Variants in TBC1D31 observed in about 807,000 individuals in gnomAD.
TBC1D31 encodes the protein TBC1 domain family member 31, also known as WD repeat domain 67.
TBC1D31 carries 99 observed loss-of-function variants against 132.9 expected under a neutral mutation model. The ratio of observed to expected loss-of-function variants is 0.74; its 90% CI spans 0.63 to 0.88. The LOEUF (loss-of-function observed/expected upper bound fraction) is 0.88, where lower values mean the gene tolerates loss of function less well. Ranked by LOEUF, TBC1D31 falls within the 40% of genes least tolerant of loss-of-function variation. The probability of loss-of-function intolerance (pLI) is 0.00; values close to 1 mark genes in which losing one functional copy is unlikely to be tolerated. For missense variants in TBC1D31, 1,134 were observed against 1,256.6 expected, an observed-to-expected ratio of 0.90 and a Z score of 1.48; for synonymous variants, 385 against 419.4, an observed-to-expected ratio of 0.92 and a Z score of 1.00.
At chr8:123,092,866 C>T (rs1194904591) in intron 4 of TBC1D31, among the ~76,000 whole-genome samples, 5 of 145,564 alleles carry the variant, frequency 3.4e-5, no homozygotes, top group South Asian at 2.1e-4. Context: ...GGCTAAAGTG[C>T]GGTGGCGGGG....
the TBC1D31 span, among the ~76,000 whole-genome samples, chr8:123,157,269 G>A: frequency 2.6e-5 from 4 of 152,210 alleles, no homozygotes; most frequent in African/African-American, 4.8e-5. Flanking sequence ...TTCAGATTAT[G>A]AGACTGACGC....
At chr8:123,160,842 C>A in the TBC1D31 span, among the ~76,000 whole-genome samples, 1 of 152,126 alleles carries the variant, frequency 6.6e-6, no homozygotes, top group Non-Finnish European at 1.5e-5. Flanking sequence ...AGATGTATGT[C>A]CCCAATTTTC....
intron 8 of TBC1D31, among the ~76,000 whole-genome samples, 164 bp from the exon 9 acceptor site, chr8:123,109,153 A>C (rs1256659625): frequency 6.6e-6 from 1 of 152,200 alleles, no homozygotes; most frequent in Non-Finnish European, 1.5e-5. Context: ...ATGCATGCTC[A>C]AGAGAGGGAG....
downstream of TBC1D31, chr8:123,152,196 A>G: frequency 3.3e-6 from 1 of 304,332 alleles, no homozygotes; most frequent in Middle Eastern, 9.4e-4. Flanking sequence ...CATAAACCTC[A>G]GTAACTTTAG....
Position 123,100,984 on chromosome 8 carries a change from G to A in TBC1D31, c.1009G>A (p.Ala337Thr), listed in dbSNP as rs1817347912. The A allele has an allele frequency of 6.2e-7, 1 of 1,613,026 alleles. No individual in the cohort carries two copies. Among genetic ancestry groups the A allele is most frequent in the Non-Finnish European group, 8.5e-7 (1 of 1,179,238 alleles). ...NGSLNIYSVQ[A>T]LTQEINKPPP... ...AAGTCTAAACATATATTCAGTTCAG[G>A]CTTTAACACAAGAAATAAATAAGGT... The change falls in exon 7 of 22, where the codon GCT (alanine) becomes ACT (threonine). Residue 337 changes from alanine to threonine, a missense_variant. Transcript: ENST00000287380.
Position 123,105,314 on chromosome 8 carries a change from T to C in TBC1D31, c.1059T>C (p.Ile353=). 1 of 1,581,632 alleles carries C rather than the reference T, an allele frequency of 6.3e-7. No individual in the cohort carries two copies. The highest frequency in any genetic ancestry group is 2.3e-5 in the East Asian group (1 of 43,576). Residue 353 remains isoleucine (I), a synonymous_variant, in exon 8 of 22, where the codon ATT becomes ATC. Coordinates refer to ENST00000287380, the MANE Select transcript of TBC1D31 (RefSeq NM_145647.4). ...CACCTCCGCCTTTAGTGAAAGTTAT[T>C]GAAGATTTGCCCAAGAATAAACTGA... ...NKPPPPLVKV[I]EDLPKNKLSS... is the part of the protein sequence containing the mutation.
At chr8:123,082,035 C>T (rs556397396) in intron 2 of TBC1D31, among the ~76,000 whole-genome samples, 77 of 152,168 alleles carry the variant, frequency 5.1e-4, no homozygotes, top group Non-Finnish European at 9.6e-4. Flanking sequence ...ATGTAGCCCA[C>T]GTTGTATTTC....
chr8:123,143,146 AG>A (rs1186759802), intron 19 of TBC1D31, among the ~76,000 whole-genome samples: 1 of 152,202 alleles, frequency 6.6e-6, no homozygotes, highest in Admixed American at 6.5e-5. Flanking sequence ...CATTCCAGGC[AG>A]CGGGGAGAAG....
intron 8 of TBC1D31, 61 bp downstream of exon 8, chr8:123,105,525 C>G (rs1586630496): frequency 1.5e-6 from 2 of 1,372,834 alleles, no homozygotes; most frequent in East Asian, 4.8e-5. Flanking sequence ...CTTGTGATTT[C>G]TAAGCCATCA....
At chr8:123,130,155 G>A (rs1820472193) in intron 15 of TBC1D31, 43 bp from the exon 16 acceptor site, 1 of 1,567,298 alleles carries the variant, frequency 6.4e-7, no homozygotes, top group Non-Finnish European at 8.7e-7. Context: ...AATCATATTA[G>A]GAATTGCTGT....
At chr8:123,074,747 G>A (rs1157690618) in intron 1 of TBC1D31, among the ~76,000 whole-genome samples, 1 of 152,236 alleles carries the variant, frequency 6.6e-6, no homozygotes, top group Non-Finnish European at 1.5e-5. Flanking sequence ...CTGACTTGGA[G>A]TCAGATGTAT....
At chr8:123,116,317 AC>A (rs1168294833) in intron 10 of TBC1D31, among the ~76,000 whole-genome samples, 2 of 152,226 alleles carry the variant, frequency 1.3e-5, no homozygotes, top group Non-Finnish European at 2.9e-5. Flanking sequence ...TTTTAAAAAA[AC>A]AAAACCATCA....
At chr8:123,140,723 A>G (rs758030792) in intron 17 of TBC1D31, 38 bp from the exon 18 acceptor site, 3 of 1,541,658 alleles carry the variant, frequency 1.9e-6, no homozygotes, top group East Asian at 2.3e-5. Flanking sequence ...CTAGCGTTAT[A>G]TAAATTAGTG....
At chr8:123,078,926 G>C (rs1257223880) in intron 2 of TBC1D31, among the ~76,000 whole-genome samples, 1 of 152,122 alleles carries the variant, frequency 6.6e-6, no homozygotes, top group Non-Finnish European at 1.5e-5. Flanking sequence ...TTAATCAAAT[G>C]ACTAAAGTTA....
chr8:123,103,805 A>T (rs897141683), intron 7 of TBC1D31: 12 of 152,216 alleles, frequency 7.9e-5, no homozygotes, highest in African/African-American at 2.7e-4. Flanking sequence ...TCTGCTTGTT[A>T]TCTGTTGAGC....
chr8:123,119,226 GC>G (rs1819241956), intron 10 of TBC1D31, among the ~76,000 whole-genome samples: 1 of 152,122 alleles, frequency 6.6e-6, no homozygotes. Context: ...TTTTGTGGGG[GC>G]TAATTTGGCA....
At position 123,084,221 on chromosome 8, in the gene TBC1D31, G is replaced by A. The variant is rs1393786338; in HGVS notation, c.400G>A (p.Val134Met). Residue 134 changes from valine (V) to methionine (M), a missense_variant, in exon 4 of 22, where the codon GTG (valine) becomes ATG (methionine). Transcript: ENST00000287380. Reference sequence around the variant, plus strand: ...TGAATCATCAGTATTTTCGATCTCTGTGCATGCATCAGGGAAATATGCCAT... The same window carrying A: ...TGAATCATCAGTATTTTCGATCTCTATGCATGCATCAGGGAAATATGCCAT... The part of the protein sequence containing the change: ...GHESSVFSIS[V>M]HASGKYAITT... The A allele has an allele frequency of 1.2e-6, 2 of 1,614,188 alleles. No individual in the cohort carries two copies. Among genetic ancestry groups the A allele is most frequent in the South Asian group, 1.1e-5 (1 of 91,088 alleles).
chr8:123,087,093 GT>G (rs1424405342), intron 4 of TBC1D31, among the ~76,000 whole-genome samples: 1 of 152,158 alleles, frequency 6.6e-6, no homozygotes, highest in Non-Finnish European at 1.5e-5. Context: ...GGAATTATAG[GT>G]CTTTCCTCTT....
At chr8:123,082,600 A>T in intron 2 of TBC1D31, 102 bp from the exon 3 acceptor site, 1 of 791,920 alleles carries the variant, frequency 1.3e-6, no homozygotes. Context: ...ATGGTAGCTC[A>T]TTTTTCTGGG....
Sources: gnomAD v4.1 joint callset for allele counts (sites outside exome capture counted in the v4.1 genomes callset) on GRCh38, gnomAD v4.1.1 for gene constraint, MANE v1.5 for transcripts, NCBI Gene and HGNC (gene_info 2026-07-23, HGNC 2026-07-21) for gene names.